The following MACROD2 variants were observed in gnomAD, a reference collection of about 807,000 sequenced individuals.
MACROD2 encodes the protein ADP-ribose glycohydrolase MACROD2.
MACROD2 carries 36 observed loss-of-function variants against 70.4 expected under a neutral mutation model. That is an observed-to-expected ratio of 0.51 (90% CI 0.39 to 0.68). The LOEUF (loss-of-function observed/expected upper bound fraction) is 0.68, where lower values mean the gene tolerates loss of function less well. MACROD2 is among the 30% of genes least tolerant of loss of function. The probability of loss-of-function intolerance (pLI) is 0.00; values close to 1 mark genes in which losing one functional copy is unlikely to be tolerated. For missense variants in MACROD2, 496 were observed against 538.4 expected (o/e 0.92, Z 0.78); for synonymous variants, 172 against 178.8 (o/e 0.96, Z 0.30).
intron 5 of MACROD2, among the ~76,000 whole-genome samples, chr20:14,794,358 A>C (rs1251539544): frequency 6.6e-6 from 1 of 152,138 alleles, no homozygotes; most frequent in African/African-American, 2.4e-5. Context: ...AAAATTCTTA[A>C]AAGACAAATC....
At chr20:14,950,383 T>A (rs1161934593) in intron 5 of MACROD2, among the ~76,000 whole-genome samples, 3 of 152,126 alleles carry the variant, frequency 2.0e-5, no homozygotes, top group African/African-American at 7.2e-5. Context: ...TGCCTGGGTC[T>A]AAGGGAATGA....
chr20:15,472,025 A>G (rs1294306693), intron 7 of MACROD2, among the ~76,000 whole-genome samples: 1 of 152,144 alleles, frequency 6.6e-6, no homozygotes, highest in African/African-American at 2.4e-5. Flanking sequence ...AAGAGACTAC[A>G]TTTACTGTTT....
At chr20:14,052,901 C>T (rs2053586661) in intron 2 of MACROD2, among the ~76,000 whole-genome samples, 1 of 152,044 alleles carries the variant, frequency 6.6e-6, no homozygotes, top group African/African-American at 2.4e-5. Context: ...TTGGAACTTA[C>T]TCCTGTAACA....
chr20:15,257,409 G>A lies in MACROD2; in HGVS notation c.540+27348G>A, dbSNP rs544663713. Among the ~76,000 whole-genome samples the A allele has an allele frequency of 1.2e-4, 18 of 152,198 alleles. No homozygotes were observed. In the East Asian group the frequency reaches 3.1e-3, roughly 26 times the overall value. ...ATGACACTTATTGAGAACCTATCAA[G>A]TGCTAGGCACCCATGCTGGTACTTT... On this transcript the variant is annotated intron_variant, in intron 6 of 17. Coordinates refer to ENST00000684519, the MANE Select transcript of MACROD2 (RefSeq NM_001351661.2).
chr20:15,591,783 A>G (rs750551805), intron 8 of MACROD2, among the ~76,000 whole-genome samples: 3 of 152,126 alleles, frequency 2.0e-5, no homozygotes, highest in Non-Finnish European at 4.4e-5. Flanking sequence ...CAGGAAATTA[A>G]ACTGAGCTTC....
At chr20:16,026,818 G>A (rs975690509) in intron 15 of MACROD2, among the ~76,000 whole-genome samples, 1 of 152,156 alleles carries the variant, frequency 6.6e-6, no homozygotes, top group Non-Finnish European at 1.5e-5. Flanking sequence ...CCTACGAGGA[G>A]GGTTTCGGCA....
Position 15,054,090 on chromosome 20 carries a change from G to A in MACROD2, c.419-175850G>A, listed in dbSNP as rs1334173867. On this transcript the variant is annotated intron_variant, in intron 5 of 17. Transcript: ENST00000684519. ...AATGGATGAGGGAATTGCTTCTTACGGATGAGCAAAGAAACTGGTTTATTG... is the reference window on the plus strand; with the variant it reads ...AATGGATGAGGGAATTGCTTCTTACAGATGAGCAAAGAAACTGGTTTATTG... Among the ~76,000 whole-genome samples, 9 of 152,292 alleles carry A rather than the reference G, an allele frequency of 5.9e-5. No homozygotes were observed. In the East Asian group the frequency reaches 9.6e-4, roughly 16 times the overall value.
At chr20:14,016,421 C>T (rs1370002989) in intron 2 of MACROD2, among the ~76,000 whole-genome samples, 1 of 151,944 alleles carries the variant, frequency 6.6e-6, no homozygotes, top group Non-Finnish European at 1.5e-5. Context: ...TTGATGAAGT[C>T]CAGTTTATCT....
intron 3 of MACROD2, among the ~76,000 whole-genome samples, chr20:14,282,941 G>C (rs2082317851): frequency 6.6e-6 from 1 of 152,160 alleles, no homozygotes; most frequent in African/African-American, 2.4e-5. Context: ...GGTGGGGACA[G>C]ATATTCAATG....
intron 9 of MACROD2, among the ~76,000 whole-genome samples, chr20:15,871,823 C>CA (rs1479482485): frequency 1.3e-5 from 2 of 152,070 alleles, no homozygotes; most frequent in African/African-American, 4.8e-5. Context: ...ACACTCTTGT[C>CA]AATGTATTAT....
intron 5 of MACROD2, among the ~76,000 whole-genome samples, chr20:14,917,385 G>A (rs921314305): frequency 6.6e-6 from 1 of 151,800 alleles, no homozygotes; most frequent in Non-Finnish European, 1.5e-5. Flanking sequence ...TTCCATTGTG[G>A]GTCCCATAGG....
intron 8 of MACROD2, among the ~76,000 whole-genome samples, chr20:15,636,089 A>AAAAAAAAAAAAAAG (rs1459679844): frequency 3.7e-3 from 499 of 134,844 alleles, no homozygotes; most frequent in East Asian, 0.012. Flanking sequence ...AAAAAAAAAA[A>AAAAAAAAAAAAAAG]AAAGAAAGAA....
chr20:14,725,077 T>C (rs145090159), intron 5 of MACROD2, among the ~76,000 whole-genome samples: 135 of 152,088 alleles, frequency 8.9e-4, no homozygotes, highest in African/African-American at 3.1e-3. Context: ...GGATTGGATA[T>C]GGGGAGTGAA....
At chr20:14,958,427 G>A (rs987391636) in intron 5 of MACROD2, among the ~76,000 whole-genome samples, 2 of 152,126 alleles carry the variant, frequency 1.3e-5, no homozygotes, top group Non-Finnish European at 2.9e-5. Flanking sequence ...AGAGATAGAT[G>A]AGAAGACAAA....
At chr20:15,000,411 C>G (rs919951419) in intron 5 of MACROD2, among the ~76,000 whole-genome samples, 1 of 130,078 alleles carries the variant, frequency 7.7e-6, no homozygotes. Context: ...ATCATGAGGT[C>G]AGGAGATCGA....
At chr20:15,794,038 T>C (rs541441486) in intron 8 of MACROD2, among the ~76,000 whole-genome samples, 58 of 151,688 alleles carry the variant, frequency 3.8e-4, no homozygotes, top group African/African-American at 1.4e-3. Flanking sequence ...ACAGCTATCA[T>C]AGAGAACCAC....
In MACROD2 at chr20:14,085,642, C is replaced by G; in HGVS notation, c.185C>G (p.Ser62Cys). The change falls in exon 3 of 18, where the codon TCC (serine) becomes TGC (cysteine). Residue 62 changes from serine to cysteine, a missense_variant. Ser to Cys is a moderately radical substitution (Grantham distance 112). Transcript: ENST00000684519. The part of the protein sequence containing the change: ...QNDEENTQET[S>C]QVKKSLTEKV... ...ACAGAAGAAAATACTCAGGAAACAT[C>G]CCAGGTGAAGAAAAGTTTGACTGAA... The G allele has an allele frequency of 6.3e-7, 1 of 1,575,778 alleles. No individual in the cohort carries two copies. Among genetic ancestry groups the G allele is most frequent in the Non-Finnish European group, 8.6e-7 (1 of 1,160,406 alleles).
chr20:15,372,799 C>T (rs753320372), intron 6 of MACROD2, among the ~76,000 whole-genome samples: 1 of 152,174 alleles, frequency 6.6e-6, no homozygotes, highest in Non-Finnish European at 1.5e-5. Context: ...TGTCTGTAAT[C>T]CCAGTCCTTT....
intron 5 of MACROD2, chr20:15,022,983 A>T (rs183915334): frequency 1.6e-4 from 24 of 152,246 alleles, no homozygotes; most frequent in Admixed American, 7.2e-4. Flanking sequence ...GCATATATGT[A>T]TATATTCTCT....
Sources: allele counts gnomAD v4.1 joint callset (sites outside exome capture counted in the v4.1 genomes callset), GRCh38; gene constraint gnomAD v4.1.1; transcripts MANE v1.5; gene names NCBI Gene and HGNC (gene_info 2026-07-23, HGNC 2026-07-21).